Variants in ADAMTS2 observed in about 807,000 individuals in gnomAD.
The protein encoded by ADAMTS2 is ADAM metallopeptidase with thrombospondin type 1 motif 2.
In ADAMTS2, 50 loss-of-function variants were observed where a neutral mutation model predicts 123.0. That is an observed-to-expected ratio of 0.41 (90% confidence interval 0.32 to 0.51). The LOEUF (loss-of-function observed/expected upper bound fraction) is 0.51. Ranked by LOEUF, ADAMTS2 falls within the 20% of genes least tolerant of loss-of-function variation. The pLI is 0.35. For synonymous variants in ADAMTS2, 678 were observed against 695.4 expected (o/e 0.98, Z 0.39); for missense variants, 1,494 against 1,705.2 (o/e 0.88, Z 2.18).
intron 17 of ADAMTS2, among the ~76,000 whole-genome samples, chr5:179,127,025 GTTT>G (rs1339870758): frequency 6.6e-6 from 1 of 152,216 alleles, no homozygotes; most frequent in Non-Finnish European, 1.5e-5. Flanking sequence ...GGAGAATTTT[GTTT>G]TTTATCCTAA....
chr5:179,231,699 GT>G (rs1765415128), intron 3 of ADAMTS2, among the ~76,000 whole-genome samples: 2 of 152,204 alleles, frequency 1.3e-5, no homozygotes, highest in East Asian at 3.9e-4. Context: ...ATGGATCAAT[GT>G]CCAAAATTTT....
intron 2 of ADAMTS2, among the ~76,000 whole-genome samples, chr5:179,311,628 G>A (rs147449213): frequency 2.6e-5 from 4 of 152,214 alleles, no homozygotes; most frequent in South Asian, 2.1e-4. Context: ...GGTCAGGCTC[G>A]TCCTCCCCAT....
chr5:179,173,350 T>C (rs1763866000), intron 5 of ADAMTS2, among the ~76,000 whole-genome samples: 1 of 152,158 alleles, frequency 6.6e-6, no homozygotes, highest in Admixed American at 6.5e-5. Context: ...TGTTCACATT[T>C]GATGTGTTCC....
At chr5:179,246,020 G>A (rs1330586691) in intron 3 of ADAMTS2, among the ~76,000 whole-genome samples, 1 of 152,110 alleles carries the variant, frequency 6.6e-6, no homozygotes, top group East Asian at 1.9e-4. Flanking sequence ...TGGAACTCCA[G>A]AATTTAACCA....
At chr5:179,141,164 G>A (rs1763163070) in intron 10 of ADAMTS2, among the ~76,000 whole-genome samples, 1 of 152,092 alleles carries the variant, frequency 6.6e-6, no homozygotes, top group Non-Finnish European at 1.5e-5. Context: ...TTGTAGCACT[G>A]TTTCCACAAA....
At chr5:179,169,530 C>T (rs1029477623) in intron 5 of ADAMTS2, among the ~76,000 whole-genome samples, 1 of 152,168 alleles carries the variant, frequency 6.6e-6, no homozygotes, top group African/African-American at 2.4e-5. Flanking sequence ...GCCATCATGC[C>T]TTGCACCCCT....
chr5:179,256,082 G>A lies in ADAMTS2; in HGVS notation c.688+16829C>T, dbSNP rs766529641. ...TTGGCCTTGGTCCACCGTGGACAGC[G>A]TCTCTGACACGGTCCTTCTTCCCAC... On this transcript the variant is annotated intron_variant, in intron 3 of 21. Coordinates refer to ENST00000251582, the MANE Select transcript of ADAMTS2 (RefSeq NM_014244.5). The surrounding 1 kb of genome is among the most constrained non-coding windows in gnomAD (Gnocchi z 4.1). Among the ~76,000 whole-genome samples the A allele has an allele frequency of 2.6e-5, 4 of 152,174 alleles. No individual in the cohort carries two copies. The highest frequency in any genetic ancestry group is 4.8e-5 in the African/African-American group (2 of 41,428).
intron 3 of ADAMTS2, among the ~76,000 whole-genome samples, chr5:179,248,843 A>C (rs1349503065): frequency 6.6e-6 from 1 of 152,138 alleles, no homozygotes; most frequent in Non-Finnish European, 1.5e-5. Context: ...CCGGCACATG[A>C]TCAGTAAGAA....
intron 2 of ADAMTS2, among the ~76,000 whole-genome samples, chr5:179,283,969 T>TATC (rs1755921428): frequency 1.0e-5 from 1 of 99,090 alleles, no homozygotes; most frequent in African/African-American, 4.9e-5. Context: ...TTATTATTAT[T>TATC]ATTATTATTA....
intron 3 of ADAMTS2, among the ~76,000 whole-genome samples, chr5:179,245,784 A>C (rs1459845501): frequency 1.7e-4 from 23 of 139,270 alleles, no homozygotes; most frequent in Non-Finnish European, 2.2e-4. Context: ...AAAAAAAAAA[A>C]AAAAAAAAAA....
At chr5:179,222,556 C>A (rs1399477280) in intron 3 of ADAMTS2, among the ~76,000 whole-genome samples, 1 of 152,230 alleles carries the variant, frequency 6.6e-6, no homozygotes. Flanking sequence ...GAAGACTGGA[C>A]CAGCAGCTGG....
At chr5:179,160,001 C>T (rs750255109) in intron 5 of ADAMTS2, among the ~76,000 whole-genome samples, 18 of 152,126 alleles carry the variant, frequency 1.2e-4, no homozygotes, top group Non-Finnish European at 1.8e-4. Flanking sequence ...CCAAGAGAAC[C>T]GAGAGCCCCT....
intron 2 of ADAMTS2, among the ~76,000 whole-genome samples, chr5:179,319,450 A>G (rs1243423424): frequency 2.0e-5 from 3 of 151,708 alleles, no homozygotes; most frequent in Non-Finnish European, 4.4e-5. Context: ...ACGCCCACAC[A>G]TGTGCACACA....
At chr5:179,323,840 C>A (rs995394393) in intron 2 of ADAMTS2, among the ~76,000 whole-genome samples, 1 of 152,256 alleles carries the variant, frequency 6.6e-6, no homozygotes, top group Non-Finnish European at 1.5e-5. Context: ...AAAAGTTTTA[C>A]ATGAATGTTC....
chr5:179,209,150 T>A (rs1281691435), intron 3 of ADAMTS2, among the ~76,000 whole-genome samples: 5 of 152,156 alleles, frequency 3.3e-5, no homozygotes, highest in Middle Eastern at 3.4e-3. Context: ...CAGGCCCTCA[T>A]CCCGGCACAC....
At chr5:179,165,108 T>C (rs967819378) in intron 5 of ADAMTS2, among the ~76,000 whole-genome samples, 6 of 152,174 alleles carry the variant, frequency 3.9e-5, no homozygotes, top group Admixed American at 1.3e-4. Context: ...AAGGATACTG[T>C]CCTGACATGC....
chr5:179,122,679 T>C lies in ADAMTS2; in HGVS notation c.3053A>G (p.Glu1018Gly), dbSNP rs1762784973. Reference sequence around the variant, plus strand: ...GCCAAGCCTGCAGGTCCTCGCTGTCTCAGGACGCTCCTCCTGGCAGATGCC... The same window carrying C: ...GCCAAGCCTGCAGGTCCTCGCTGTCCCAGGACGCTCCTCCTGGCAGATGCC... ...SFGICQEERP[E>G]TARTCRLGPC... The change falls in exon 20 of 22, where the codon GAG (glutamate) becomes GGG (glycine). Residue 1018 changes from glutamate to glycine, a missense_variant. Around this residue, in one of 6 missense-constraint regions of ADAMTS2, gnomAD observed 953 missense variants for 1,124.7 expected, o/e 0.85. Transcript: ENST00000251582. 1 of 1,551,310 alleles carries C rather than the reference T, an allele frequency of 6.4e-7. No individual in the cohort carries two copies. The highest frequency in any genetic ancestry group is 1.4e-5 in the African/African-American group (1 of 73,118).
chr5:179,339,888 C>A (rs1334277476), intron 2 of ADAMTS2, among the ~76,000 whole-genome samples: 1 of 152,234 alleles, frequency 6.6e-6, no homozygotes, highest in African/African-American at 2.4e-5. Flanking sequence ...AGCAGCCTTG[C>A]TGGGAAAAAT....
At chr5:179,324,928 A>AC (rs34981778) in intron 2 of ADAMTS2, among the ~76,000 whole-genome samples, 2 of 151,866 alleles carry the variant, frequency 1.3e-5, no homozygotes, top group African/African-American at 2.4e-5. Flanking sequence ...GTCCTCAGGG[A>AC]CCCCCCCACT....
Sources: gnomAD v4.1 joint callset for allele counts (sites outside exome capture counted in the v4.1 genomes callset) on GRCh38, gnomAD v4.1.1 for gene constraint, gnomAD v4.1.1 regional missense constraint, Gnocchi (gnomAD v3.1) non-coding constraint, MANE v1.5 for transcripts, NCBI Gene and HGNC (gene_info 2026-07-23, HGNC 2026-07-21) for gene names.